Variants in LARGE1 observed in about 807,000 individuals in gnomAD.
LARGE1 encodes xylosyl- and glucuronyltransferase LARGE1.
Under a neutral mutation model 87.6 loss-of-function variants are expected in LARGE1, and 43 were observed. That is an observed-to-expected ratio of 0.49 (90% confidence interval 0.38 to 0.63). LARGE1 has a LOEUF of 0.63. Among genes scored for constraint, LARGE1 ranks in the 30% least tolerant of loss-of-function variants. LARGE1 has a pLI of 0.00. For synonymous variants in LARGE1, 434 were observed against 394.6 expected, an observed-to-expected ratio of 1.10 and a Z score of -1.18; for missense variants, 802 against 1,000.2, an observed-to-expected ratio of 0.80 and a Z score of 2.67.
chr22:33,455,844 C>CGT (rs1456470517), intron 6 of LARGE1, among the ~76,000 whole-genome samples: 1 of 150,864 alleles, frequency 6.6e-6, no homozygotes, highest in Non-Finnish European at 1.5e-5. Flanking sequence ...CATTCTTGTG[C>CGT]GTGAAGAGTG....
the LARGE1 span, among the ~76,000 whole-genome samples, chr22:33,111,350 G>T: frequency 2.0e-5 from 3 of 152,228 alleles, no homozygotes; most frequent in Non-Finnish European, 2.9e-5. Context: ...CTAACCCTTT[G>T]TTGCTAAGGA....
intron 11 of LARGE1, among the ~76,000 whole-genome samples, chr22:33,182,911 T>C (rs1923250070): frequency 1.3e-5 from 2 of 152,206 alleles, no homozygotes. Context: ...TAGCAATGAT[T>C]TTTTGGATCT....
chr22:33,597,291 A>C (rs1019979222), intron 5 of LARGE1, among the ~76,000 whole-genome samples: 6 of 152,090 alleles, frequency 3.9e-5, no homozygotes, highest in Non-Finnish European at 8.8e-5. Context: ...AAAAAAAAAA[A>C]AAAAAAACTT....
the LARGE1 span, among the ~76,000 whole-genome samples, chr22:33,079,853 C>T: frequency 1.3e-5 from 2 of 152,116 alleles, no homozygotes; most frequent in African/African-American, 4.8e-5. Flanking sequence ...AGGAATGACC[C>T]GTTGAGGGCA....
intron 7 of LARGE1, among the ~76,000 whole-genome samples, chr22:33,392,320 T>C (rs1054841019): frequency 2.6e-5 from 4 of 152,060 alleles, no homozygotes; most frequent in African/African-American, 4.8e-5. Context: ...ATTTGTAATA[T>C]AGTGACAATC....
chr22:33,421,460 A>C (rs776626832), intron 7 of LARGE1, among the ~76,000 whole-genome samples: 25 of 152,210 alleles, frequency 1.6e-4, no homozygotes, highest in Non-Finnish European at 3.1e-4. Context: ...TCCAGAATAC[A>C]AGCAATACAG....
chr22:33,579,744 T>C (rs2078459088), intron 5 of LARGE1, among the ~76,000 whole-genome samples: 1 of 152,070 alleles, frequency 6.6e-6, no homozygotes, highest in Non-Finnish European at 1.5e-5. Context: ...CCTAGCATTG[T>C]TTTGGTGGTG....
intron 5 of LARGE1, among the ~76,000 whole-genome samples, chr22:33,568,514 C>A (rs140251746): frequency 0.011 from 1,682 of 152,232 alleles, 17 homozygotes; most frequent in Middle Eastern, 0.027. Context: ...CGCCTGTAAT[C>A]CCAGAACTTT....
chr22:33,151,170 T>A, the LARGE1 span, among the ~76,000 whole-genome samples: 1 of 152,194 alleles, frequency 6.6e-6, no homozygotes, highest in Non-Finnish European at 1.5e-5. Context: ...CCTCTATAGG[T>A]TTCATTAGAC....
chr22:33,783,740 G>T (rs1236273096), intron 1 of LARGE1, among the ~76,000 whole-genome samples: 1 of 152,176 alleles, frequency 6.6e-6, no homozygotes, highest in East Asian at 1.9e-4. Context: ...CCCAGCCAAG[G>T]ATATGGTCGC....
At chr22:33,648,493 C>T (rs1237343250) in intron 3 of LARGE1, among the ~76,000 whole-genome samples, 3 of 152,176 alleles carry the variant, frequency 2.0e-5, no homozygotes, top group Non-Finnish European at 2.9e-5. Context: ...GAGTTCCCAT[C>T]CAAACTAACC....
chr22:33,749,411 C>G (rs2084227571), intron 2 of LARGE1, among the ~76,000 whole-genome samples: 1 of 152,188 alleles, frequency 6.6e-6, no homozygotes, highest in Non-Finnish European at 1.5e-5. Flanking sequence ...CAGCGCCCAG[C>G]CCTGTGCTCT....
chr22:33,455,706 A>G (rs1365451915), intron 6 of LARGE1, among the ~76,000 whole-genome samples: 2 of 144,196 alleles, frequency 1.4e-5, no homozygotes, highest in Admixed American at 7.4e-5. Flanking sequence ...GTGAGCTGAG[A>G]TCATGCCACT....
intron 1 of LARGE1, among the ~76,000 whole-genome samples, chr22:33,823,152 A>G (rs912564842): frequency 6.6e-6 from 1 of 152,242 alleles, no homozygotes; most frequent in Admixed American, 6.5e-5. Context: ...TGTATTAAAA[A>G]AGAATAACAA....
At chr22:33,793,510 T>C (rs1457437248) in intron 1 of LARGE1, among the ~76,000 whole-genome samples, 1 of 152,198 alleles carries the variant, frequency 6.6e-6, no homozygotes, top group African/African-American at 2.4e-5. Flanking sequence ...ATTTAGGAAA[T>C]GAAAGGTTCA....
intron 1 of LARGE1, among the ~76,000 whole-genome samples, chr22:33,884,284 A>C (rs1363430948): frequency 6.6e-6 from 1 of 152,142 alleles, no homozygotes; most frequent in Non-Finnish European, 1.5e-5. Context: ...CAGCACTTTA[A>C]AGCGATCATG....
At chr22:33,397,542 T>C (rs981826230) in intron 7 of LARGE1, among the ~76,000 whole-genome samples, 3 of 152,260 alleles carry the variant, frequency 2.0e-5, no homozygotes, top group African/African-American at 7.2e-5. Context: ...ATGCATGCCA[T>C]TGTCATTTGT....
At chr22:33,712,908 G>GT (rs2082779594) in intron 2 of LARGE1, among the ~76,000 whole-genome samples, 1 of 152,058 alleles carries the variant, frequency 6.6e-6, no homozygotes, top group Non-Finnish European at 1.5e-5. Context: ...AAGGTATATG[G>GT]TAAGTATTTG....
At chr22:33,100,153 T>C in the LARGE1 span, among the ~76,000 whole-genome samples, 2 of 151,686 alleles carry the variant, frequency 1.3e-5, no homozygotes, top group Non-Finnish European at 2.9e-5. Context: ...CTGGCCAACA[T>C]GGCAAAACCC....
Sources: gnomAD v4.1 joint callset for allele counts (sites outside exome capture counted in the v4.1 genomes callset) on GRCh38, gnomAD v4.1.1 for gene constraint, MANE v1.5 for transcripts, NCBI Gene and HGNC (gene_info 2026-07-23, HGNC 2026-07-21) for gene names.